AUTS2: variants seen among roughly 807,000 people sequenced by gnomAD.
AUTS2 encodes activator of transcription and developmental regulator AUTS2, also known as autism susceptibility gene 2 protein.
AUTS2 carries 17 observed loss-of-function variants against 112.4 expected under a neutral mutation model. That is an observed-to-expected ratio of 0.15 (90% CI 0.10 to 0.23). The LOEUF is 0.23. Ranked by LOEUF, AUTS2 falls within the 10% of genes least tolerant of loss-of-function variation. The pLI is 1.00. For synonymous variants in AUTS2, 751 were observed against 702.7 expected (o/e 1.07, Z -1.09); for missense variants, 1,510 against 1,701.6 (o/e 0.89, Z 1.98).
At chr7:70,302,437 T>C (rs1460587824) in intron 4 of AUTS2, among the ~76,000 whole-genome samples, 1 of 152,064 alleles carries the variant, frequency 6.6e-6, no homozygotes, top group African/African-American at 2.4e-5. Flanking sequence ...ATAGTTATAC[T>C]AAATGGGCTT....
rs374853044 is a variant in AUTS2 at position 70,714,737 on chromosome 7, C to T, written c.742+16117C>T. On this transcript the variant is annotated intron_variant, in intron 6 of 18. Transcript: ENST00000342771. ...TCATTTAGCTTGTTCCTCTGTCCCT[C>T]GTATTTCCTGTAAATGGAAGTTGGC... Among the ~76,000 whole-genome samples the T allele has an allele frequency of 1.6e-4, 24 of 152,282 alleles. No homozygotes were observed. In the South Asian group the frequency reaches 4.4e-3, roughly 28 times the overall value.
intron 1 of AUTS2, among the ~76,000 whole-genome samples, chr7:69,733,609 A>G (rs908991649): frequency 4.6e-5 from 7 of 152,152 alleles, no homozygotes; most frequent in Admixed American, 2.6e-4. Context: ...CTAACTTTCA[A>G]AGTTTTTTAA....
intron 1 of AUTS2, among the ~76,000 whole-genome samples, chr7:69,671,664 T>C (rs1796336256): frequency 6.6e-6 from 1 of 152,126 alleles, no homozygotes; most frequent in East Asian, 1.9e-4. Context: ...CTGGTATGGC[T>C]ATTGAATAAA....
chr7:70,783,084 C>A (rs1791196814), intron 15 of AUTS2: 1 of 152,164 alleles, frequency 6.6e-6, no homozygotes, highest in African/African-American at 2.4e-5. Flanking sequence ...GCTTCTTTTG[C>A]TTCAATAATT....
At chr7:69,651,096 G>A (rs1239386696) in intron 1 of AUTS2, among the ~76,000 whole-genome samples, 1 of 152,190 alleles carries the variant, frequency 6.6e-6, no homozygotes, top group East Asian at 1.9e-4. Context: ...TGCAGATTTG[G>A]TTCAGAGTGA....
intron 4 of AUTS2, among the ~76,000 whole-genome samples, chr7:70,167,254 C>G (rs1808432450): frequency 6.6e-6 from 1 of 151,986 alleles, no homozygotes. Flanking sequence ...AAAACAAAAA[C>G]AGAAGTGGTT....
chr7:69,827,442 AAG>A (rs1791300172), intron 1 of AUTS2, among the ~76,000 whole-genome samples: 1 of 152,092 alleles, frequency 6.6e-6, no homozygotes, highest in Non-Finnish European at 1.5e-5. Flanking sequence ...GGGGAAAAAG[AAG>A]AGGGGAAAAA....
chr7:70,256,592 G>A (rs953444374), intron 4 of AUTS2, among the ~76,000 whole-genome samples: 4 of 152,198 alleles, frequency 2.6e-5, no homozygotes, highest in African/African-American at 9.6e-5. Flanking sequence ...AGTCCTGCAA[G>A]TTGGTATTAT....
chr7:70,064,439 A>G (rs1026859212), intron 2 of AUTS2, among the ~76,000 whole-genome samples: 1 of 152,156 alleles, frequency 6.6e-6, no homozygotes, highest in Non-Finnish European at 1.5e-5. Context: ...GATAGTATAC[A>G]ATGGCTGCTT....
At chr7:70,092,234 T>C (rs939733343) in intron 2 of AUTS2, among the ~76,000 whole-genome samples, 3 of 152,172 alleles carry the variant, frequency 2.0e-5, no homozygotes, top group Non-Finnish European at 4.4e-5. Flanking sequence ...ATGTTAGGCA[T>C]ATTTTAGCCG....
In AUTS2 at chr7:70,692,945, A is replaced by C. The variant is rs373692939; in HGVS notation, c.691-5624A>C. Among the ~76,000 whole-genome samples, 64 of 152,012 alleles carry C rather than the reference A, an allele frequency of 4.2e-4. 3 individuals are homozygous for C. In the South Asian group the frequency reaches 0.011, roughly 26 times the overall value. ...TCTCTTCCTCTCTTCCTCCAGCCAC[A>C]CTCCAGGTAACGGTGGCACTGGGAG... is the stretch of plus-strand genomic sequence containing the variant. On this transcript the variant is annotated intron_variant, in intron 5 of 18. Coordinates refer to ENST00000342771, the MANE Select transcript of AUTS2 (RefSeq NM_015570.4).
At chr7:70,235,849 G>C (rs934284999) in intron 4 of AUTS2, among the ~76,000 whole-genome samples, 1 of 151,900 alleles carries the variant, frequency 6.6e-6, no homozygotes, top group South Asian at 2.1e-4. Flanking sequence ...GACGGGGGAC[G>C]TGATTTCACT....
At chr7:69,842,173 G>T (rs563962269) in intron 1 of AUTS2, among the ~76,000 whole-genome samples, 1 of 152,230 alleles carries the variant, frequency 6.6e-6, no homozygotes, top group South Asian at 2.1e-4. Flanking sequence ...CAAGAAATCT[G>T]AATGGTGTTT....
intron 1 of AUTS2, among the ~76,000 whole-genome samples, chr7:69,724,964 A>T (rs1041448283): frequency 1.7e-4 from 26 of 152,204 alleles, no homozygotes; most frequent in Admixed American, 1.6e-3. Flanking sequence ...GAAAAAAGTC[A>T]TCAAAGGTAG....
rs561131654 is a variant in AUTS2 at position 69,850,500 on chromosome 7, C to G, written c.310-48786C>G. Among the ~76,000 whole-genome samples, 16 of 145,248 alleles carry G rather than the reference C, an allele frequency of 1.1e-4. No homozygotes were observed. In the South Asian group the frequency reaches 3.4e-3, roughly 31 times the overall value. On this transcript the variant is annotated intron_variant, in intron 1 of 18. Transcript: ENST00000342771. Reference sequence around the variant, plus strand: ...CAGCAGCAGTGTATGAGGGAATCAGCATCCTTGCCAGGATTTGGAATTGTT... The same window carrying G: ...CAGCAGCAGTGTATGAGGGAATCAGGATCCTTGCCAGGATTTGGAATTGTT...
chr7:70,212,804 A>G (rs1016273360), intron 4 of AUTS2, among the ~76,000 whole-genome samples: 1 of 152,204 alleles, frequency 6.6e-6, no homozygotes, highest in Non-Finnish European at 1.5e-5. Flanking sequence ...GTAATTCAGT[A>G]ATCTTGTATC....
chr7:70,784,933 A>G lies in AUTS2; in HGVS notation c.2147-9A>G, dbSNP rs1585689070. ...GTAAACTCTGGTTTCGTTATGTTTG[A>G]CTTAACAGGTGCTGCACACCCAACT... is the stretch of plus-strand genomic sequence containing the variant. On this transcript the variant is annotated splice_polypyrimidine_tract_variant and intron_variant, in intron 15 of 18. Coordinates refer to ENST00000342771, the MANE Select transcript of AUTS2 (RefSeq NM_015570.4). 1.2e-6 allele frequency: 2 copies of G among 1,613,700 alleles called. No homozygotes were observed. The highest frequency in any genetic ancestry group is 1.7e-6 in the Non-Finnish European group (2 of 1,179,886).
intron 4 of AUTS2, among the ~76,000 whole-genome samples, chr7:70,138,001 C>A (rs1398374539): frequency 6.6e-6 from 1 of 152,142 alleles, no homozygotes; most frequent in Non-Finnish European, 1.5e-5. Context: ...TCTATATGAA[C>A]ATGACGATGT....
At chr7:70,140,090 A>G (rs1160000402) in intron 4 of AUTS2, among the ~76,000 whole-genome samples, 7 of 152,170 alleles carry the variant, frequency 4.6e-5, no homozygotes, top group Admixed American at 4.6e-4. Context: ...GCATATCTCT[A>G]TAATATTTCT....
Sources: gnomAD v4.1 joint callset for allele counts (sites outside exome capture counted in the v4.1 genomes callset) on GRCh38, gnomAD v4.1.1 for gene constraint, MANE v1.5 for transcripts, NCBI Gene and HGNC (gene_info 2026-07-23, HGNC 2026-07-21) for gene names.